RAB8B: variants seen among roughly 807,000 people sequenced by gnomAD.
RAB8B encodes the protein RAB8B, member RAS oncogene family.
Under a neutral mutation model 32.0 loss-of-function variants are expected in RAB8B, and 11 were observed. The ratio of observed to expected loss-of-function variants is 0.34; its 90% confidence interval spans 0.22 to 0.57. RAB8B has a LOEUF of 0.57. Ranked by LOEUF, RAB8B falls within the 20% of genes least tolerant of loss-of-function variation. The pLI, the probability that RAB8B is intolerant of heterozygous loss-of-function variation, is 0.86. For missense variants in RAB8B, 190 were observed against 258.5 expected, an observed-to-expected ratio of 0.73 and a Z score of 1.82; for synonymous variants, 103 against 89.6, an observed-to-expected ratio of 1.15 and a Z score of -0.85.
chr15:63,256,180 T>G (rs2038157352), intron 4 of RAB8B, among the ~76,000 whole-genome samples: 2 of 152,214 alleles, frequency 1.3e-5, no homozygotes, highest in South Asian at 4.1e-4. Context: ...GAATACCATC[T>G]CCACTGGTTC....
intron 1 of RAB8B, among the ~76,000 whole-genome samples, chr15:63,191,460 T>C (rs1305590307): frequency 6.6e-5 from 10 of 152,218 alleles, no homozygotes; most frequent in Non-Finnish European, 1.3e-4. Context: ...TTCTTGGCAG[T>C]CAGTCTTGAG....
chr15:63,205,347 A>G (rs1168824901), intron 1 of RAB8B, among the ~76,000 whole-genome samples: 1 of 152,146 alleles, frequency 6.6e-6, no homozygotes, highest in East Asian at 1.9e-4. Context: ...ATACAATTTA[A>G]AAATTAGCCA....
intron 1 of RAB8B, among the ~76,000 whole-genome samples, chr15:63,197,438 A>G (rs574423407): frequency 1.7e-4 from 23 of 135,422 alleles, no homozygotes; most frequent in African/African-American, 4.6e-4. Context: ...TGTTGGTGCA[A>G]TCTCGGCTTG....
At chr15:63,216,658 G>A (rs534658933) in intron 1 of RAB8B, among the ~76,000 whole-genome samples, 11 of 151,844 alleles carry the variant, frequency 7.2e-5, no homozygotes, top group African/African-American at 2.4e-4. Context: ...GCAGGAGTTC[G>A]AGACCAGCCT....
At chr15:63,199,458 T>G (rs138626410) in intron 1 of RAB8B, among the ~76,000 whole-genome samples, 1 of 152,304 alleles carries the variant, frequency 6.6e-6, no homozygotes, top group East Asian at 1.9e-4. Context: ...GTTGTTGCAT[T>G]CCCTATTTTG....
rs1197833416 is a variant in RAB8B, at chr15:63,267,745, C to G, written c.*4126C>G. On this transcript the variant is annotated 3_prime_UTR_variant, in exon 8 of 8. Coordinates refer to ENST00000321437, the MANE Select transcript of RAB8B (RefSeq NM_016530.3). ...ACTTTTTTTTTATAATAATGTTCGT[C>G]TAAAATAAAAACTACATAATGAAAA... 6.6e-6 allele frequency: 1 copy of G among 151,786 alleles called. No individual in the cohort carries two copies. The highest frequency in any genetic ancestry group is 2.4e-5 in the African/African-American group (1 of 41,262). 9.4% of individuals were successfully genotyped at this position (151,786 alleles called of 1,614,324 possible). A position where few individuals can be genotyped will look rare whatever the true frequency, so the allele number is the denominator to read the frequency against.
chr15:63,192,726 G>C (rs1490907330), intron 1 of RAB8B, among the ~76,000 whole-genome samples: 3 of 152,160 alleles, frequency 2.0e-5, no homozygotes, highest in Admixed American at 2.0e-4. Flanking sequence ...CTGTCATCAC[G>C]AAGGGAAGGA....
chr15:63,245,160 C>T (rs952545937), intron 2 of RAB8B, among the ~76,000 whole-genome samples: 7 of 152,310 alleles, frequency 4.6e-5, no homozygotes, highest in African/African-American at 1.2e-4. Flanking sequence ...GTAGTCACGT[C>T]GCAGGAACCC....
rs541605532 is a variant in RAB8B at position 63,265,862 on chromosome 15, T to G, written c.*2243T>G. On this transcript the variant is annotated 3_prime_UTR_variant, in exon 8 of 8. Coordinates refer to ENST00000321437, the MANE Select transcript of RAB8B (RefSeq NM_016530.3). This position sits in a 1 kb window ranked among gnomAD's most constrained non-coding sequence, Gnocchi z 4.9. Reference sequence around the variant, plus strand: ...CTTGAAAGAGCCTGTAAAAGTTAGATGAGTCTAAAAGTGCTCTTTGAAGTA... The same window carrying G: ...CTTGAAAGAGCCTGTAAAAGTTAGAGGAGTCTAAAAGTGCTCTTTGAAGTA... The G allele has an allele frequency of 6.5e-6, 1 of 152,732 alleles. No homozygotes were observed. The highest frequency in any genetic ancestry group is 2.4e-5 in the African/African-American group (1 of 41,582). 9.5% of individuals were successfully genotyped at this position (152,732 alleles called of 1,614,324 possible). A position where few individuals can be genotyped will look rare whatever the true frequency, so the allele number is the denominator to read the frequency against.
At chr15:63,208,800 G>A (rs532436315) in intron 1 of RAB8B, among the ~76,000 whole-genome samples, 1 of 151,688 alleles carries the variant, frequency 6.6e-6, no homozygotes, top group African/African-American at 2.4e-5. Context: ...TTTGTACTCT[G>A]TAGTACTTTG....
At chr15:63,214,563 G>A (rs2037776254) in intron 1 of RAB8B, among the ~76,000 whole-genome samples, 1 of 151,904 alleles carries the variant, frequency 6.6e-6, no homozygotes, top group Non-Finnish European at 1.5e-5. Context: ...CTTGATCTTA[G>A]CCAAAAGGCC....
chr15:63,212,062 G>T (rs1567010944), intron 1 of RAB8B, among the ~76,000 whole-genome samples: 1 of 152,004 alleles, frequency 6.6e-6, no homozygotes, highest in East Asian at 1.9e-4. Context: ...TGAACTCCTG[G>T]GCTCAAGCAG....
At chr15:63,249,772 A>G in intron 3 of RAB8B, 67 bp downstream of exon 3, 1 of 1,478,026 alleles carries the variant, frequency 6.8e-7, no homozygotes, top group Non-Finnish European at 9.4e-7. Flanking sequence ...GTTTGCCAAG[A>G]TTATAGGATT....
chr15:63,192,951 AACGGT>A (rs1380502989), intron 1 of RAB8B, among the ~76,000 whole-genome samples: 1 of 152,104 alleles, frequency 6.6e-6, no homozygotes, highest in Non-Finnish European at 1.5e-5. Context: ...AAATTCACCA[AACGGT>A]GTATGCCTGT....
At chr15:63,258,398 C>T (rs138201168) in intron 5 of RAB8B, among the ~76,000 whole-genome samples, 20 of 152,220 alleles carry the variant, frequency 1.3e-4, no homozygotes, top group Non-Finnish European at 2.5e-4. Flanking sequence ...CCACCACACC[C>T]GGCCTAAAAG....
At chr15:63,194,224 A>G (rs1331736800) in intron 1 of RAB8B, among the ~76,000 whole-genome samples, 1 of 152,196 alleles carries the variant, frequency 6.6e-6, no homozygotes, top group Non-Finnish European at 1.5e-5. Flanking sequence ...GGTTTAATTG[A>G]CACCCTCAAA....
chr15:63,216,850 ACT>A (rs2037796643), intron 1 of RAB8B, among the ~76,000 whole-genome samples: 1 of 141,684 alleles, frequency 7.1e-6, no homozygotes, highest in African/African-American at 2.7e-5. Context: ...ACAGAGTGAG[ACT>A]CTGTCTCAAA....
intron 1 of RAB8B, among the ~76,000 whole-genome samples, chr15:63,237,320 C>T (rs2037989139): frequency 6.6e-6 from 1 of 152,216 alleles, no homozygotes; most frequent in Non-Finnish European, 1.5e-5. Context: ...AACTGTTCTC[C>T]ATAGTGGCTG....
intron 1 of RAB8B, among the ~76,000 whole-genome samples, chr15:63,221,103 G>T (rs1319508998): frequency 6.6e-6 from 1 of 152,212 alleles, no homozygotes; most frequent in Admixed American, 6.5e-5. Context: ...TCAGGATTCA[G>T]ATGGAAAGGA....
Sources: gnomAD v4.1 joint callset for allele counts (sites outside exome capture counted in the v4.1 genomes callset) on GRCh38, gnomAD v4.1.1 for gene constraint, Gnocchi (gnomAD v3.1) non-coding constraint, MANE v1.5 for transcripts, NCBI Gene and HGNC (gene_info 2026-07-23, HGNC 2026-07-21) for gene names.